CYS1: variants seen among roughly 807,000 people sequenced by gnomAD.
CYS1 encodes the protein cystin 1.
CYS1 carries 5 observed loss-of-function variants against 9.6 expected under a neutral mutation model. The ratio of observed to expected loss-of-function variants is 0.52; its 90% CI spans 0.27 to 1.10. The LOEUF (loss-of-function observed/expected upper bound fraction) is 1.10, where lower values mean the gene tolerates loss of function less well. Ranked by LOEUF, CYS1 falls within the 50% of genes least tolerant of loss-of-function variation. The pLI is 0.11. For missense variants in CYS1, 221 were observed against 207.9 expected (o/e 1.06, Z -0.39); for synonymous variants, 88 against 95.7 (o/e 0.92, Z 0.47).
In CYS1 at chr2:10,077,623, A is replaced by G. The variant is rs143494901; in HGVS notation, c.318+2283T>C. On this transcript the variant is annotated intron_variant, in intron 1 of 2. Transcript: ENST00000381813. ...GTGAATCACCTGAGGTCAGGAGTTC[A>G]AGACCAGCCTGGCCAACATGGTGAA... 4.5e-3 allele frequency among the ~76,000 whole-genome samples: 684 copies of G among 151,966 alleles called. 5 individuals are homozygous for G. Among genetic ancestry groups the G allele is most frequent in the African/African-American group, 0.016 (650 of 41,432 alleles).
At chr2:10,062,389 TTC>T (rs1251406195) in intron 2 of CYS1, among the ~76,000 whole-genome samples, 2 of 151,954 alleles carry the variant, frequency 1.3e-5, no homozygotes, top group South Asian at 2.1e-4. Context: ...GTCTAGAATT[TTC>T]TCTTTTTTTC....
intron 1 of CYS1, among the ~76,000 whole-genome samples, chr2:10,067,078 C>A (rs542245942): frequency 5.3e-5 from 8 of 151,750 alleles, no homozygotes; most frequent in Non-Finnish European, 8.8e-5. Flanking sequence ...TGCAATGGTG[C>A]GATCTCAGCT....
At chr2:10,075,778 G>A (rs1300093780) in intron 1 of CYS1, among the ~76,000 whole-genome samples, 4 of 152,196 alleles carry the variant, frequency 2.6e-5, no homozygotes, top group East Asian at 1.9e-4. Flanking sequence ...ACTATTGCCC[G>A]AGACTCTCTT....
intron 1 of CYS1, among the ~76,000 whole-genome samples, chr2:10,069,048 C>T (rs991273542): frequency 1.3e-5 from 2 of 150,678 alleles, no homozygotes; most frequent in African/African-American, 2.4e-5. Flanking sequence ...GGTGACAGAG[C>T]GAGGCTCTGT....
chr2:10,061,249 C>CA (rs1300295958), intron 2 of CYS1, among the ~76,000 whole-genome samples: 5,354 of 152,128 alleles, frequency 0.035, 339 homozygotes, highest in African/African-American at 0.12. Flanking sequence ...AAAAACCAAC[C>CA]AACCAAACAA....
chr2:10,069,529 C>A (rs956260978), intron 1 of CYS1, among the ~76,000 whole-genome samples: 4 of 151,850 alleles, frequency 2.6e-5, no homozygotes, highest in African/African-American at 9.7e-5. Context: ...CCACCACGCC[C>A]AGCCAATTTT....
intron 1 of CYS1, among the ~76,000 whole-genome samples, chr2:10,071,367 G>A (rs1441085637): frequency 6.6e-6 from 1 of 152,224 alleles, no homozygotes; most frequent in Non-Finnish European, 1.5e-5. Context: ...AAGGGCAGCG[G>A]GACCCTTGCG....
At position 10,058,893 on chromosome 2, in the gene CYS1, T is replaced by C; in HGVS notation, c.437A>G (p.Glu146Gly). The change falls in exon 3 of 3, where the codon GAG becomes GGG. Residue 146 changes from glutamate (E) to glycine (G), a missense_variant. Physicochemically the swap from Glu to Gly is moderately conservative, Grantham distance 98 (BLOSUM62 -2). Coordinates refer to ENST00000381813, the MANE Select transcript of CYS1 (RefSeq NM_001037160.3). ...PAAISYDHSE[E>G]GLMASIEREY... ...CCGCTCGATGCTCGCCATCAGCCCCTCTTCCGAGTGGTCGTAGGAGATGGC... is the reference window on the plus strand; with the variant it reads ...CCGCTCGATGCTCGCCATCAGCCCCCCTTCCGAGTGGTCGTAGGAGATGGC... 1 of 1,595,546 alleles carries C rather than the reference T, an allele frequency of 6.3e-7. No individual in the cohort carries two copies. Among genetic ancestry groups the C allele is most frequent in the African/African-American group, 1.3e-5 (1 of 74,748 alleles).
intron 1 of CYS1, among the ~76,000 whole-genome samples, chr2:10,074,991 A>C (rs1240274065): frequency 6.6e-6 from 1 of 152,212 alleles, no homozygotes; most frequent in Admixed American, 6.5e-5. Context: ...ACATGCCTGT[A>C]GTCCCAGCTA....
intron 1 of CYS1, among the ~76,000 whole-genome samples, chr2:10,075,936 C>G (rs1661836437): frequency 6.6e-6 from 1 of 152,180 alleles, no homozygotes; most frequent in Non-Finnish European, 1.5e-5. Flanking sequence ...CCTGTAATCC[C>G]AGCACTTTGG....
intron 1 of CYS1, among the ~76,000 whole-genome samples, chr2:10,077,675 A>T (rs1055994632): frequency 1.3e-5 from 2 of 152,088 alleles, no homozygotes; most frequent in African/African-American, 4.8e-5. Context: ...AAATACAAAA[A>T]TTAGCTGGCC....
chr2:10,079,858 G>T, intron 1 of CYS1, 48 bp downstream of exon 1: 1 of 1,052,718 alleles, frequency 9.5e-7, no homozygotes, highest in South Asian at 4.5e-5. Flanking sequence ...CGCGGCCGGT[G>T]AGTGGGGTCC....
intron 1 of CYS1, among the ~76,000 whole-genome samples, chr2:10,078,728 T>A (rs1661895077): frequency 6.6e-6 from 1 of 152,190 alleles, no homozygotes; most frequent in Non-Finnish European, 1.5e-5. Flanking sequence ...GCTGCAGACT[T>A]CTTTAAGGCA....
chr2:10,073,186 C>T (rs966658909), intron 1 of CYS1, among the ~76,000 whole-genome samples: 26 of 138,446 alleles, frequency 1.9e-4, no homozygotes, highest in African/African-American at 7.2e-4. Context: ...ATGACAAGGA[C>T]GTGACAAGGG....
At chr2:10,059,753 G>A (rs1029190846) in intron 2 of CYS1, among the ~76,000 whole-genome samples, 26 of 152,222 alleles carry the variant, frequency 1.7e-4, no homozygotes, top group African/African-American at 5.1e-4. Context: ...TGCCGACATC[G>A]GTCCGTGCTT....
intron 1 of CYS1, among the ~76,000 whole-genome samples, chr2:10,068,131 G>A (rs955382178): frequency 1.3e-5 from 2 of 152,024 alleles, no homozygotes; most frequent in African/African-American, 4.8e-5. Context: ...TTATACCATT[G>A]ATATCTTTCA....
Position 10,063,090 on chromosome 2 carries a change from A to G in CYS1, c.371+2814T>C, listed in dbSNP as rs551523497. On this transcript the variant is annotated intron_variant, in intron 2 of 2. Coordinates refer to ENST00000381813, the MANE Select transcript of CYS1 (RefSeq NM_001037160.3). The surrounding 1 kb of genome is among the most constrained non-coding windows in gnomAD (Gnocchi z 4.2). ...CCCGGGGGAAGGACCTGGCGTTGTC[A>G]GGATGGTCAGGACTGGGGTCAAGGC... 1.3e-5 allele frequency among the ~76,000 whole-genome samples: 2 copies of G among 152,362 alleles called. No homozygotes were observed. Among genetic ancestry groups the G allele is most frequent in the East Asian group, 3.9e-4 (2 of 5,190 alleles).
intron 2 of CYS1, among the ~76,000 whole-genome samples, chr2:10,059,642 C>T (rs1482240228): frequency 3.9e-5 from 6 of 152,044 alleles, no homozygotes; most frequent in African/African-American, 7.3e-5. Context: ...TGCAGTGAGC[C>T]AAGAATGAGC....
Position 10,057,790 on chromosome 2 carries a change from C to T in CYS1, c.*1063G>A, listed in dbSNP as rs921211589. ...CCAGCAGGCCACACCTGGGCCCAGGCTCCAGACCTGCCCGCCCACACAGGA... is the reference window on the plus strand; with the variant it reads ...CCAGCAGGCCACACCTGGGCCCAGGTTCCAGACCTGCCCGCCCACACAGGA... On this transcript the variant is annotated 3_prime_UTR_variant, in exon 3 of 3. Coordinates refer to ENST00000381813, the MANE Select transcript of CYS1 (RefSeq NM_001037160.3). 6.6e-6 allele frequency: 1 copy of T among 152,530 alleles called. No homozygotes were observed. Among genetic ancestry groups the T allele is most frequent in the Non-Finnish European group, 1.5e-5 (1 of 68,314 alleles). 9.4% of individuals were successfully genotyped at this position (152,530 alleles called of 1,614,324 possible). A position where few individuals can be genotyped will look rare whatever the true frequency, so the allele number is the denominator to read the frequency against.
Sources: gnomAD v4.1 joint callset for allele counts (sites outside exome capture counted in the v4.1 genomes callset) on GRCh38, gnomAD v4.1.1 for gene constraint, Gnocchi (gnomAD v3.1) non-coding constraint, MANE v1.5 for transcripts, NCBI Gene and HGNC (gene_info 2026-07-23, HGNC 2026-07-21) for gene names.